The following PNPLA4 variants were observed in gnomAD, a reference collection of about 807,000 sequenced individuals.
PNPLA4 encodes patatin-like phospholipase domain-containing protein 4.
A neutral mutation model predicts 18.3 loss-of-function variants in PNPLA4; 15 were observed. The observed-to-expected ratio is 0.82, with a 90% CI of 0.55 to 1.26. The LOEUF (loss-of-function observed/expected upper bound fraction) is 1.26. PNPLA4 is among the 50% of genes most tolerant of loss of function. PNPLA4 has a pLI of 0.00. For synonymous variants in PNPLA4, 88 were observed against 85.6 expected, an observed-to-expected ratio of 1.03 and a Z score of -0.16; for missense variants, 229 against 196.8, an observed-to-expected ratio of 1.16 and a Z score of -0.98.
At chrX:7,923,670 C>T (rs749007225) in intron 2 of PNPLA4, among the ~76,000 whole-genome samples, 7 of 111,281 alleles carry the variant, frequency 6.3e-5, no homozygotes, top group Non-Finnish European at 9.4e-5. Flanking sequence ...GGGCAGAGGA[C>T]GAAGGTGAAA....
chrX:7,921,756 T>G lies in PNPLA4; in HGVS notation c.368A>C (p.Asn123Thr). The change falls in exon 4 of 7, where the codon AAT (asparagine) becomes ACT (threonine). Residue 123 changes from asparagine (N) to threonine (T), a missense_variant. Physicochemically the swap from Asn to Thr is moderately conservative, Grantham distance 65 (BLOSUM62 0). Transcript: ENST00000381042. ...VSITNAKTRE[N>T]HLVSTFSSRE... ...GGAGGAAAAAGTGGAGACTAAGTGA[T>G]TTTCTCTGGTTTTGGCGTTGGTGAT... The G allele has an allele frequency of 8.3e-7, 1 of 1,209,063 alleles. No individual in the cohort carries two copies. The highest frequency in any genetic ancestry group is 1.7e-5 in the African/African-American group (1 of 57,709).
At chrX:7,922,772 G>A (rs1234403035) in intron 2 of PNPLA4, among the ~76,000 whole-genome samples, 1 of 111,848 alleles carries the variant, frequency 8.9e-6, no homozygotes, top group Non-Finnish European at 1.9e-5. Flanking sequence ...GAGTCTCAGA[G>A]CCAGAATTTA....
At chrX:7,908,872 T>C (rs1188310725) in intron 5 of PNPLA4, among the ~76,000 whole-genome samples, 1 of 111,769 alleles carries the variant, frequency 8.9e-6, no homozygotes, top group Non-Finnish European at 1.9e-5. Flanking sequence ...GTTCTGGGCC[T>C]GTGCGTTCCC....
At chrX:7,914,608 G>T (rs112377757) in intron 4 of PNPLA4, among the ~76,000 whole-genome samples, 1 of 112,088 alleles carries the variant, frequency 8.9e-6, no homozygotes, top group Non-Finnish European at 1.9e-5. Flanking sequence ...TGTAGATAGC[G>T]TACATATTGT....
chrX:7,906,003 T>C (rs1173313503), intron 5 of PNPLA4, among the ~76,000 whole-genome samples: 1 of 112,579 alleles, frequency 8.9e-6, no homozygotes, highest in Non-Finnish European at 1.9e-5. Context: ...TAGTTGTCTT[T>C]TCACTTCAGG....
At position 7,921,704 on chromosome X, in the gene PNPLA4, C is replaced by T. The variant is rs1924221669; in HGVS notation, c.411+9G>A. Reference sequence around the variant, plus strand: ...TGATTTCTTCAAATAGGAAACATGGCTTTGTTACCTTAATGAGGTCCTCCC... The same window carrying T: ...TGATTTCTTCAAATAGGAAACATGGTTTTGTTACCTTAATGAGGTCCTCCC... On this transcript the variant is annotated intron_variant, in intron 4 of 6. Coordinates refer to ENST00000381042, the MANE Select transcript of PNPLA4 (RefSeq NM_004650.3). 3 of 1,202,900 alleles carry T rather than the reference C, an allele frequency of 2.5e-6. No individual in the cohort carries two copies. Among genetic ancestry groups the T allele is most frequent in the African/African-American group, 1.7e-5 (1 of 57,394 alleles).
In PNPLA4 at chrX:7,902,369, C is replaced by T. The variant is rs112499645; in HGVS notation, c.478-228G>A. On this transcript the variant is annotated intron_variant, in intron 5 of 6. Coordinates refer to ENST00000381042, the MANE Select transcript of PNPLA4 (RefSeq NM_004650.3). ...TTTAACTAGATTATTGTCTGTAAGACTTGAATTCTTACTGACTACAGTGCA... is the reference window on the plus strand; with the variant it reads ...TTTAACTAGATTATTGTCTGTAAGATTTGAATTCTTACTGACTACAGTGCA... Among the ~76,000 whole-genome samples, 776 of 111,900 alleles carry T rather than the reference C, an allele frequency of 6.9e-3. 7 individuals are homozygous for T. The highest frequency in any genetic ancestry group is 0.024 in the African/African-American group (735 of 30,834).
chrX:7,905,537 T>G (rs2146753274), intron 5 of PNPLA4, among the ~76,000 whole-genome samples: 1 of 112,252 alleles, frequency 8.9e-6, no homozygotes, highest in African/African-American at 3.2e-5. Flanking sequence ...CTCCATTTTC[T>G]TAAGGTATAT....
intron 4 of PNPLA4, among the ~76,000 whole-genome samples, chrX:7,917,668 T>G (rs1212080475): frequency 8.9e-6 from 1 of 112,218 alleles, no homozygotes; most frequent in Non-Finnish European, 1.9e-5. Context: ...AGTATTACTG[T>G]GTGAATTACT....
At position 7,912,103 on chromosome X, in the gene PNPLA4, T is replaced by C. The variant is rs754006705; in HGVS notation, c.412-10A>G. The C allele has an allele frequency of 8.5e-7, 1 of 1,174,824 alleles. No homozygotes were observed. Among genetic ancestry groups the C allele is most frequent in the Non-Finnish European group, 1.2e-6 (1 of 863,135 alleles). ...TGCTGGCTAGGAGGACCTAGATGGA[T>C]AAAATAAAGAAGCAGCTCATGATTA... On this transcript the variant is annotated splice_polypyrimidine_tract_variant and intron_variant, in intron 4 of 6. Coordinates refer to ENST00000381042, the MANE Select transcript of PNPLA4 (RefSeq NM_004650.3).
chrX:7,922,043 C>A lies in PNPLA4; in HGVS notation c.236G>T (p.Gly79Val). The change falls in exon 3 of 7, where the codon GGG becomes GTG. Residue 79 changes from glycine to valine, a missense_variant. Gly to Val is a moderately radical substitution (Grantham distance 109, BLOSUM62 -3). Transcript: ENST00000381042. ...FAEEIRRQSF[G>V]AVTPGYDFMA... ...GAAGTCATAACCGGGCGTTACTGCC[C>A]CGAAAGACTGCCTTCTGATTTCTTC... 8.3e-7 allele frequency: 1 copy of A among 1,209,280 alleles called. No homozygotes were observed. The highest frequency in any genetic ancestry group is 1.1e-6 in the Non-Finnish European group (1 of 893,706).
At chrX:7,923,488 C>A (rs1924298931) in intron 2 of PNPLA4, among the ~76,000 whole-genome samples, 1 of 111,729 alleles carries the variant, frequency 9.0e-6, no homozygotes, top group Non-Finnish European at 1.9e-5. Context: ...TTAAGACCGC[C>A]AGAGCTGGAA....
chrX:7,906,726 T>G (rs1923716176), intron 5 of PNPLA4, among the ~76,000 whole-genome samples: 1 of 112,235 alleles, frequency 8.9e-6, no homozygotes, highest in Admixed American at 9.4e-5. Flanking sequence ...GTAAAAAGTC[T>G]AAGCCACGAG....
At chrX:7,920,126 A>G (rs1489754558) in intron 4 of PNPLA4, among the ~76,000 whole-genome samples, 6 of 111,287 alleles carry the variant, frequency 5.4e-5, no homozygotes, top group African/African-American at 2.0e-4. Flanking sequence ...GTGATATGTA[A>G]ATCAGGAGGG....
intron 5 of PNPLA4, among the ~76,000 whole-genome samples, chrX:7,903,521 A>G (rs1299164820): frequency 9.1e-6 from 1 of 110,486 alleles, no homozygotes; most frequent in Middle Eastern, 4.7e-3. Flanking sequence ...GGATGGTCTC[A>G]ATCTCCTGAC....
chrX:7,914,022 T>A (rs1173403649), intron 4 of PNPLA4, among the ~76,000 whole-genome samples: 1 of 112,497 alleles, frequency 8.9e-6, no homozygotes, highest in African/African-American at 3.2e-5. Flanking sequence ...CGCTTGTTTA[T>A]TGAAATATTG....
At chrX:7,905,300 G>A (rs1346509894) in intron 5 of PNPLA4, among the ~76,000 whole-genome samples, 2 of 112,395 alleles carry the variant, frequency 1.8e-5, no homozygotes, top group Non-Finnish European at 1.9e-5. Context: ...GTTAAACTTC[G>A]CTTTAGACAT....
Position 7,902,085 on chromosome X carries a change from T to C in PNPLA4, c.534A>G (p.Thr178=). 2.5e-6 allele frequency: 3 copies of C among 1,209,380 alleles called. No homozygotes were observed. The highest frequency in any genetic ancestry group is 3.4e-6 in the Non-Finnish European group (3 of 894,042). ...NALPILPVGR[T]VTISPFSGRL... is the part of the protein sequence containing the mutation. The stretch of plus-strand genomic sequence containing the variant: ...GTCCACTGAAGGGGGAGATGGTTAC[T>C]GTCCGGCCGACGGGCAGGATGGGAA... The change falls in exon 6 of 7, where the codon ACA becomes ACG. Residue 178 remains threonine (T), a synonymous_variant. Transcript: ENST00000381042.
intron 5 of PNPLA4, among the ~76,000 whole-genome samples, chrX:7,905,149 G>A (rs1923667854): frequency 1.8e-5 from 2 of 112,215 alleles, no homozygotes; most frequent in Admixed American, 1.9e-4. Flanking sequence ...AAAAACTCAT[G>A]CCCAATTGTG....
Sources: gnomAD v4.1 joint callset for allele counts (sites outside exome capture counted in the v4.1 genomes callset) on GRCh38, gnomAD v4.1.1 for gene constraint, MANE v1.5 for transcripts, NCBI Gene and HGNC (gene_info 2026-07-23, HGNC 2026-07-21) for gene names.